The following MMP26 variants were observed in gnomAD, a reference collection of about 807,000 sequenced individuals.
MMP26 encodes the protein matrix metallopeptidase 26, also known as matrix metalloproteinase-26.
In MMP26, 33 loss-of-function variants were observed where a neutral mutation model predicts 31.0. The observed-to-expected ratio is 1.06, with a 90% CI of 0.81 to 1.42. The LOEUF (loss-of-function observed/expected upper bound fraction) is 1.42. MMP26 is among the 40% of genes most tolerant of loss of function. MMP26 has a pLI of 0.00. For missense variants in MMP26, 347 were observed against 316.1 expected, an observed-to-expected ratio of 1.10 and a Z score of -0.74; for synonymous variants, 122 against 114.9, an observed-to-expected ratio of 1.06 and a Z score of -0.40.
rs1314601882 is a variant in MMP26 at position 4,952,814 on chromosome 11, T to G, written c.-144-35254T>G. On this transcript the variant is annotated intron_variant, in intron 2 of 7. Coordinates refer to ENST00000380390, the MANE Select transcript of MMP26 (RefSeq NM_021801.5). ...AAAATACCTGGAAGCACATCGTGCA[T>G]GTATTAGAGGTTTGAAAGCAATACT... is the stretch of plus-strand genomic sequence containing the variant. Among the ~76,000 whole-genome samples the G allele has an allele frequency of 3.2e-5, 4 of 125,572 alleles. 1 individual carries two copies. The highest frequency in any genetic ancestry group is 7.6e-3 in the Middle Eastern group (2 of 262). 82.4% of individuals were successfully genotyped at this position (125,572 alleles called of 152,430 possible).
chr11:4,809,353 A>G lies in MMP26; in HGVS notation c.-145+42012A>G, dbSNP rs1221044672. The stretch of plus-strand genomic sequence containing the variant: ...AAACCTCCATGTAGGGTTTTGTTAT[A>G]TAAATGTGGTTACAAGAACTGTATT... On this transcript the variant is annotated intron_variant, in intron 2 of 7. Transcript: ENST00000380390. Among the ~76,000 whole-genome samples, 3 of 152,238 alleles carry G rather than the reference A, an allele frequency of 2.0e-5. 1 individual carries two copies. Among genetic ancestry groups the G allele is most frequent in the African/African-American group, 7.2e-5 (3 of 41,468 alleles).
chr11:4,708,067 G>C (rs1847805379), intron 1 of MMP26, among the ~76,000 whole-genome samples: 1 of 152,076 alleles, frequency 6.6e-6, no homozygotes, highest in Non-Finnish European at 1.5e-5. Context: ...ATAGACATTA[G>C]TTTCACAACT....
intron 2 of MMP26, among the ~76,000 whole-genome samples, chr11:4,779,473 A>G (rs1848830758): frequency 6.6e-6 from 1 of 152,044 alleles, no homozygotes; most frequent in Non-Finnish European, 1.5e-5. Context: ...TGCCCTTTCA[A>G]GTTTTGTGGA....
intron 2 of MMP26, among the ~76,000 whole-genome samples, chr11:4,884,085 G>T (rs1850515954): frequency 6.6e-6 from 1 of 151,856 alleles, no homozygotes. Flanking sequence ...GCTTCGCTTG[G>T]GCTCCAATCC....
At chr11:4,914,748 C>G (rs781452755) in intron 2 of MMP26, 6 of 1,613,290 alleles carry the variant, frequency 3.7e-6, no homozygotes, top group East Asian at 4.5e-5. Context: ...GTCACTCGAT[C>G]CCGGATCTGT....
rs188911941 is a variant in MMP26, at chr11:4,881,401, G to A, written c.-144-106667G>A. On this transcript the variant is annotated intron_variant, in intron 2 of 7. Transcript: ENST00000380390. ...AAATGCCCTCTGCATTCATCTGCAC[G>A]TGAAGACAAAAACAATACAAACATA... Among the ~76,000 whole-genome samples, 11 of 152,110 alleles carry A rather than the reference G, an allele frequency of 7.2e-5. No individual in the cohort carries two copies. The East Asian group carries it at 1.4e-3, about 19-fold the overall frequency.
intron 2 of MMP26, chr11:4,804,549 T>C: frequency 1.3e-6 from 1 of 781,430 alleles, no homozygotes; most frequent in South Asian, 1.4e-5. Flanking sequence ...TAATAAATAA[T>C]ATGTTACAAC....
chr11:4,947,430 G>T, intron 2 of MMP26: 1 of 200,754 alleles, frequency 5.0e-6, no homozygotes, highest in Non-Finnish European at 1.0e-5. Context: ...CAATTAACTG[G>T]AATCTTCTAT....
chr11:4,923,478 G>T (rs1158376043), intron 2 of MMP26: 1 of 1,613,804 alleles, frequency 6.2e-7, no homozygotes, highest in African/African-American at 1.3e-5. Flanking sequence ...GGGTTCATAA[G>T]GGGTGGTACC....
intron 2 of MMP26, chr11:4,769,024 T>C (rs756372030): frequency 6.6e-7 from 1 of 1,521,200 alleles, no homozygotes; most frequent in Non-Finnish European, 8.8e-7. Flanking sequence ...GGATTTGTTT[T>C]GTTTTTACAC....
rs533446066 is a variant in MMP26 at position 4,964,522 on chromosome 11, G to C, written c.-144-23546G>C. ...GAAGACAGTGTGGTGATTCCTCAAA[G>C]ACCTAGAGGCAAAAATATCGTTCAA... On this transcript the variant is annotated intron_variant, in intron 2 of 7. Transcript: ENST00000380390. 3.4e-4 allele frequency among the ~76,000 whole-genome samples: 52 copies of C among 152,102 alleles called. No individual in the cohort carries two copies. In the Middle Eastern group the frequency reaches 0.014, roughly 40 times the overall value.
At chr11:4,750,467 A>T (rs1357218473) in intron 1 of MMP26, among the ~76,000 whole-genome samples, 1 of 152,076 alleles carries the variant, frequency 6.6e-6, no homozygotes, top group Non-Finnish European at 1.5e-5. Context: ...TAAAACCTGT[A>T]TTCATGTGTT....
At chr11:4,888,795 C>G (rs368490164) in intron 2 of MMP26, among the ~76,000 whole-genome samples, 6 of 152,136 alleles carry the variant, frequency 3.9e-5, no homozygotes, top group Non-Finnish European at 2.9e-5. Flanking sequence ...CAACTCATAG[C>G]TGACAATAGA....
At chr11:4,802,479 C>T (rs572024126) in intron 2 of MMP26, among the ~76,000 whole-genome samples, 2 of 152,062 alleles carry the variant, frequency 1.3e-5, no homozygotes, top group Non-Finnish European at 1.5e-5. Flanking sequence ...TAAAAGAAGT[C>T]CTTGGGACTG....
intron 2 of MMP26, among the ~76,000 whole-genome samples, chr11:4,929,216 C>G (rs1332101789): frequency 5.3e-5 from 8 of 151,806 alleles, no homozygotes; most frequent in Non-Finnish European, 7.4e-5. Context: ...TACATGTGCA[C>G]AACACATCAT....
intron 2 of MMP26, among the ~76,000 whole-genome samples, chr11:4,790,905 A>G (rs1849016798): frequency 6.6e-6 from 1 of 152,234 alleles, no homozygotes; most frequent in Non-Finnish European, 1.5e-5. Flanking sequence ...AATGTATCTC[A>G]TAAGTGGTAT....
At chr11:4,787,129 G>C (rs1285980306) in intron 2 of MMP26, 3 of 153,556 alleles carry the variant, frequency 2.0e-5, no homozygotes, top group Admixed American at 6.5e-5. Flanking sequence ...TGACCGCTTT[G>C]TTGCCATTTG....
At position 4,831,945 on chromosome 11, in the gene MMP26, A is replaced by G. The variant is rs530727167; in HGVS notation, c.-145+64604A>G. 1.1e-4 allele frequency among the ~76,000 whole-genome samples: 17 copies of G among 152,336 alleles called. 1 individual carries two copies. The South Asian group carries it at 2.3e-3, about 20-fold the overall frequency. On this transcript the variant is annotated intron_variant, in intron 2 of 7. Coordinates refer to ENST00000380390, the MANE Select transcript of MMP26 (RefSeq NM_021801.5). ...TGAATCCTGTGATGAACCTGTTTAAATATTTTCCATTGTTTTCTTTACATA... is the reference window on the plus strand; with the variant it reads ...TGAATCCTGTGATGAACCTGTTTAAGTATTTTCCATTGTTTTCTTTACATA...
At chr11:4,943,845 T>C (rs1468509687) in intron 2 of MMP26, 1 of 448,532 alleles carries the variant, frequency 2.2e-6, no homozygotes, top group Admixed American at 2.4e-5. Flanking sequence ...TTTCATTTCA[T>C]TTTATTAAGA....
Sources: allele counts gnomAD v4.1 joint callset (sites outside exome capture counted in the v4.1 genomes callset), GRCh38; gene constraint gnomAD v4.1.1; transcripts MANE v1.5; gene names NCBI Gene and HGNC (gene_info 2026-07-23, HGNC 2026-07-21).